Variants in MED13 observed in about 807,000 individuals in gnomAD.
The protein encoded by MED13 is mediator complex subunit 13, also known as mediator of RNA polymerase II transcription subunit 13.
Under a neutral mutation model 225.2 loss-of-function variants are expected in MED13, and 23 were observed. The ratio of observed to expected loss-of-function variants is 0.10; its 90% CI spans 0.07 to 0.14. The LOEUF (loss-of-function observed/expected upper bound fraction) is 0.14, where lower values mean the gene tolerates loss of function less well. Among genes scored for constraint, MED13 ranks in the 10% least tolerant of loss-of-function variants. MED13 has a pLI of 1.00. For missense variants in MED13, 2,197 were observed against 2,594.5 expected (o/e 0.85, Z 3.33); for synonymous variants, 942 against 889.2 (o/e 1.06, Z -1.06).
chr17:61,960,511 G>C (rs1368432129), intron 23 of MED13, among the ~76,000 whole-genome samples: 1 of 151,830 alleles, frequency 6.6e-6, no homozygotes, highest in Non-Finnish European at 1.5e-5. Flanking sequence ...AGTTTATTAG[G>C]GGCTATATCT....
chr17:62,025,224 G>A (rs768695519), intron 8 of MED13, among the ~76,000 whole-genome samples: 3 of 152,206 alleles, frequency 2.0e-5, no homozygotes, highest in African/African-American at 7.2e-5. Context: ...CCATTGTGGG[G>A]TAAAAGTGAC....
At chr17:61,985,148 A>C in intron 12 of MED13, 58 bp from the exon 13 acceptor site, 1 of 1,394,424 alleles carries the variant, frequency 7.2e-7, no homozygotes, top group Non-Finnish European at 1.0e-6. Context: ...ATCTCAAAAT[A>C]GTAATCATTC....
chr17:61,960,941 C>G lies in MED13; in HGVS notation c.5406G>C (p.Trp1802Cys), dbSNP rs752449840. Residue 1802 changes from tryptophan to cysteine, a missense_variant, in exon 23 of 30, where the codon TGG becomes TGC. Trp to Cys is a radical substitution (Grantham distance 215). Coordinates refer to ENST00000397786, the MANE Select transcript of MED13 (RefSeq NM_005121.3). Reference protein sequence around the residue: ...VGYCLSHDQRWILASCTDLYG... With the variant: ...VGYCLSHDQRCILASCTDLYG... ...ATAGATCTGTGCAAGATGCAAGAATCCACCTTTGATCATGTGATAAACAGT... is the reference window on the plus strand; with the variant it reads ...ATAGATCTGTGCAAGATGCAAGAATGCACCTTTGATCATGTGATAAACAGT... The G allele has an allele frequency of 3.1e-6, 5 of 1,613,798 alleles. No individual in the cohort carries two copies. In the South Asian group the frequency reaches 4.4e-5, roughly 14 times the overall value.
chr17:62,003,801 A>G (rs1320118572), intron 9 of MED13: 1 of 152,134 alleles, frequency 6.6e-6, no homozygotes, highest in Non-Finnish European at 1.5e-5. Flanking sequence ...CTTAACTTAC[A>G]TAATTACAAT....
At chr17:62,039,490 C>T (rs2080834391) in intron 3 of MED13, among the ~76,000 whole-genome samples, 1 of 152,040 alleles carries the variant, frequency 6.6e-6, no homozygotes, top group Non-Finnish European at 1.5e-5. Flanking sequence ...ACCATGTTGG[C>T]CAGGCTGGTC....
Position 61,987,120 on chromosome 17 carries a change from G to A in MED13, c.2272C>T (p.Arg758Cys), listed in dbSNP as rs745497498. The change falls in exon 12 of 30, where the codon CGC (arginine) becomes TGC (cysteine). Residue 758 changes from arginine to cysteine, a missense_variant. This residue lies in a region of MED13 where 884 missense variants were observed against 918.5 expected (regional missense o/e 0.96). Transcript: ENST00000397786. ...GGAGGACGGGCATGACTAGTAGGGC[G>A]TGGAGCATCTACAAAAGTCAATCAG... The part of the protein sequence containing the change: ...FSPSIKQDAP[R>C]PTSHARPPST... 10 of 1,594,594 alleles carry A rather than the reference G, an allele frequency of 6.3e-6. No homozygotes were observed. The highest frequency in any genetic ancestry group is 3.6e-5 in the Admixed American group (2 of 55,458).
intron 3 of MED13, among the ~76,000 whole-genome samples, chr17:62,048,052 ATATATATATATG>A (rs1568001018): frequency 2.1e-5 from 3 of 146,046 alleles, no homozygotes; most frequent in South Asian, 2.1e-4. Flanking sequence ...ACATATATAT[ATATATATATATG>A]TATATATGTA....
rs1199177721 is a variant in MED13 at position 62,049,943 on chromosome 17, A to AAAAAAAAAAAG, written c.470+2593_470+2594insCTTTTTTTTTT. On this transcript the variant is annotated intron_variant, in intron 3 of 29. Coordinates refer to ENST00000397786, the MANE Select transcript of MED13 (RefSeq NM_005121.3). ...AGGCTCTGTCTCCAAAAAAAAAAAA[A>AAAAAAAAAAAG]GAATGAAATGAAATGTGTTTCAATA... 2.0e-5 allele frequency among the ~76,000 whole-genome samples: 3 copies of AAAAAAAAAAAG among 151,562 alleles called. 1 individual carries two copies. The highest frequency in any genetic ancestry group is 7.3e-5 in the African/African-American group (3 of 41,092).
At chr17:62,053,950 T>C (rs1281792746) in intron 2 of MED13, among the ~76,000 whole-genome samples, 4 of 152,244 alleles carry the variant, frequency 2.6e-5, no homozygotes, top group African/African-American at 9.6e-5. Context: ...GTTGGTTTTA[T>C]ATTTTCTCCT....
chr17:62,052,821 T>TTAAG (rs1458404301), intron 2 of MED13, 116 bp from the exon 3 acceptor site: 1 of 615,398 alleles, frequency 1.6e-6, no homozygotes, highest in African/African-American at 1.9e-5. Flanking sequence ...CCCCAGAATA[T>TTAAG]TAAGCTACAA....
At chr17:61,951,308 T>G (rs1445904277) in intron 27 of MED13, among the ~76,000 whole-genome samples, 2 of 152,216 alleles carry the variant, frequency 1.3e-5, no homozygotes, top group Non-Finnish European at 2.9e-5. Flanking sequence ...TTCAATGACA[T>G]CTTTAACTTT....
intron 9 of MED13, among the ~76,000 whole-genome samples, chr17:62,003,486 T>C (rs563989872): frequency 6.5e-4 from 97 of 150,110 alleles, no homozygotes; most frequent in Non-Finnish European, 1.1e-3. Context: ...ATGCCTGTAA[T>C]CCCAGCTACT....
At chr17:61,991,512 G>A (rs2080298516) in intron 11 of MED13, among the ~76,000 whole-genome samples, 1 of 149,560 alleles carries the variant, frequency 6.7e-6, no homozygotes, top group African/African-American at 2.5e-5. Flanking sequence ...GCTAATTTTT[G>A]TTTGTTTGTT....
At chr17:61,946,668 A>G in intron 29 of MED13, 68 bp from the exon 30 acceptor site, 2 of 1,572,064 alleles carry the variant, frequency 1.3e-6, no homozygotes, top group Non-Finnish European at 1.7e-6. Context: ...GCAGTTTTCA[A>G]TTATGGCATT....
rs2079973384 is a variant in MED13, at chr17:61,958,944, G to C, written c.5480+1923C>G. On this transcript the variant is annotated intron_variant, in intron 23 of 29. Coordinates refer to ENST00000397786, the MANE Select transcript of MED13 (RefSeq NM_005121.3). Reference sequence around the variant, plus strand: ...AGCTGCATAAGGGTAGTTTTTCCAAGGTCAGTAGTGGCAGGTTTGGGATTT... The same window carrying C: ...AGCTGCATAAGGGTAGTTTTTCCAACGTCAGTAGTGGCAGGTTTGGGATTT... Among the ~76,000 whole-genome samples, 3 of 151,892 alleles carry C rather than the reference G, an allele frequency of 2.0e-5. No individual in the cohort carries two copies. The South Asian group carries it at 6.2e-4, about 32-fold the overall frequency.
chr17:62,057,558 T>C (rs1386650660), intron 2 of MED13, among the ~76,000 whole-genome samples: 2 of 152,236 alleles, frequency 1.3e-5, no homozygotes, highest in African/African-American at 4.8e-5. Flanking sequence ...AACAATGTTT[T>C]AGTTTGGCTG....
intron 17 of MED13, 82 bp from the exon 18 acceptor site, chr17:61,968,340 T>TA: frequency 1.9e-6 from 2 of 1,051,240 alleles, no homozygotes; most frequent in East Asian, 6.4e-5. Flanking sequence ...TTTATTTATT[T>TA]TTTGAGACAG....
intron 1 of MED13, among the ~76,000 whole-genome samples, chr17:62,064,821 G>GC: frequency 6.6e-6 from 1 of 152,292 alleles, no homozygotes; most frequent in East Asian, 1.9e-4. Context: ...AAGGAGAAAA[G>GC]CAACAGTTAA....
chr17:61,994,963 G>A (rs910776810), intron 10 of MED13, among the ~76,000 whole-genome samples, 189 bp downstream of exon 10: 3 of 152,166 alleles, frequency 2.0e-5, no homozygotes, highest in South Asian at 2.1e-4. Context: ...TGCCTGCCTC[G>A]GCCTCCCCAA....
Sources: gnomAD v4.1 joint callset for allele counts (sites outside exome capture counted in the v4.1 genomes callset) on GRCh38, gnomAD v4.1.1 for gene constraint, gnomAD v4.1.1 regional missense constraint, MANE v1.5 for transcripts, NCBI Gene and HGNC (gene_info 2026-07-23, HGNC 2026-07-21) for gene names.